DYNC1I1: variants seen among roughly 807,000 people sequenced by gnomAD.
DYNC1I1 encodes the protein dynein cytoplasmic 1 intermediate chain 1.
Under a neutral mutation model 86.6 loss-of-function variants are expected in DYNC1I1, and 43 were observed. The ratio of observed to expected loss-of-function variants is 0.50; its 90% CI spans 0.39 to 0.64. The LOEUF (loss-of-function observed/expected upper bound fraction) is 0.64, where lower values mean the gene tolerates loss of function less well. Ranked by LOEUF, DYNC1I1 falls within the 30% of genes least tolerant of loss-of-function variation. DYNC1I1 has a pLI of 0.00. For missense variants in DYNC1I1, 604 were observed against 788.8 expected (o/e 0.77, Z 2.81); for synonymous variants, 262 against 283.7 (o/e 0.92, Z 0.77).
intron 9 of DYNC1I1, among the ~76,000 whole-genome samples, chr7:95,993,696 C>T (rs2115741620): frequency 6.6e-6 from 1 of 152,288 alleles, no homozygotes; most frequent in South Asian, 2.1e-4. Flanking sequence ...GCACAACCAG[C>T]ACATTGTAAC....
intron 14 of DYNC1I1, among the ~76,000 whole-genome samples, chr7:96,043,123 C>T (rs551500073): frequency 6.8e-6 from 1 of 147,436 alleles, no homozygotes; most frequent in African/African-American, 2.5e-5. Flanking sequence ...GAACCGAGAT[C>T]GTGCCACTGC....
At chr7:95,937,989 T>G (rs1041493505) in intron 6 of DYNC1I1, among the ~76,000 whole-genome samples, 1 of 152,072 alleles carries the variant, frequency 6.6e-6, no homozygotes, top group East Asian at 1.9e-4. Context: ...ATTGTACCCA[T>G]CTCCTCCAGT....
intron 10 of DYNC1I1, among the ~76,000 whole-genome samples, chr7:96,007,994 T>C (rs1794183269): frequency 6.6e-6 from 1 of 152,190 alleles, no homozygotes; most frequent in Admixed American, 6.5e-5. Flanking sequence ...GAGACCCATA[T>C]ACCCTCCAGC....
chr7:95,994,968 C>A lies in DYNC1I1; in HGVS notation c.844-980C>A, dbSNP rs181304150. The stretch of plus-strand genomic sequence containing the variant: ...AGAGAAAGAAGTAAAAATAAATGGG[C>A]CAGGCATGGTGGCTCACGCCTGTAA... On this transcript the variant is annotated intron_variant, in intron 9 of 16. Transcript: ENST00000447467. Among the ~76,000 whole-genome samples, 692 of 152,224 alleles carry A rather than the reference C, an allele frequency of 4.5e-3. 5 individuals are homozygous for A. Among genetic ancestry groups the A allele is most frequent in the African/African-American group, 0.016 (652 of 41,544 alleles).
chr7:95,956,849 G>C (rs1193275704), intron 6 of DYNC1I1, among the ~76,000 whole-genome samples: 4 of 152,200 alleles, frequency 2.6e-5, no homozygotes, highest in African/African-American at 9.7e-5. Context: ...ACACACGTGT[G>C]CATGTGTCTT....
chr7:95,988,023 C>T (rs1048351741), intron 9 of DYNC1I1, among the ~76,000 whole-genome samples: 5 of 152,196 alleles, frequency 3.3e-5, no homozygotes, highest in Admixed American at 3.3e-4. Flanking sequence ...TACCTTCATG[C>T]TTGTCCACAT....
chr7:95,845,227 C>T (rs1441689409), intron 5 of DYNC1I1, among the ~76,000 whole-genome samples: 1 of 152,176 alleles, frequency 6.6e-6, no homozygotes, highest in Non-Finnish European at 1.5e-5. Context: ...GTCTACCAGG[C>T]ACCATTCCAA....
intron 15 of DYNC1I1, among the ~76,000 whole-genome samples, chr7:96,076,585 A>T (rs1490480511): frequency 2.0e-5 from 3 of 152,200 alleles, no homozygotes; most frequent in Non-Finnish European, 4.4e-5. Context: ...TTGGGCTTTT[A>T]AAAAGGGCTA....
intron 6 of DYNC1I1, among the ~76,000 whole-genome samples, chr7:95,892,296 G>A (rs1314100404): frequency 1.3e-5 from 2 of 149,718 alleles, no homozygotes; most frequent in South Asian, 2.1e-4. Context: ...ACTGGCCCAC[G>A]CCACCATGCC....
chr7:96,079,008 G>A lies in DYNC1I1; in HGVS notation c.1651-1355G>A, dbSNP rs1372131433. The stretch of plus-strand genomic sequence containing the variant: ...TATTTTTAAAAAATAAATGAGCCGG[G>A]GACTTTTGGGGTTTTTTTTTGTTTT... On this transcript the variant is annotated intron_variant, in intron 15 of 16. Transcript: ENST00000447467. 3.3e-5 allele frequency among the ~76,000 whole-genome samples: 5 copies of A among 150,224 alleles called. No individual in the cohort carries two copies. The East Asian group carries it at 8.4e-4, about 25-fold the overall frequency.
At chr7:95,985,764 G>T (rs11761820) in intron 8 of DYNC1I1, among the ~76,000 whole-genome samples, 12,259 of 151,980 alleles carry the variant, frequency 0.081, 601 homozygotes, top group Admixed American at 0.11. Context: ...CTTAAAGGAC[G>T]ATATCTTATC....
intron 4 of DYNC1I1, chr7:95,818,387 G>A (rs937128264): frequency 6.1e-6 from 3 of 487,842 alleles, no homozygotes; most frequent in South Asian, 4.2e-5. Flanking sequence ...ATGAAGCCTC[G>A]AATTCCCGGG....
At chr7:95,921,595 C>T (rs563393626) in intron 6 of DYNC1I1, among the ~76,000 whole-genome samples, 3 of 152,212 alleles carry the variant, frequency 2.0e-5, no homozygotes, top group African/African-American at 7.2e-5. Context: ...TTTGAGGAGC[C>T]AGTGGGTTCT....
chr7:95,784,124 G>A (rs1036168319), intron 1 of DYNC1I1, among the ~76,000 whole-genome samples: 1 of 152,080 alleles, frequency 6.6e-6, no homozygotes, highest in African/African-American at 2.4e-5. Context: ...TCGTGGGAGT[G>A]TTTCAGGGTC....
intron 9 of DYNC1I1, among the ~76,000 whole-genome samples, chr7:95,990,437 T>C (rs1395105943): frequency 6.6e-6 from 1 of 152,198 alleles, no homozygotes; most frequent in East Asian, 1.9e-4. Flanking sequence ...AAGATTACTA[T>C]TGACACCAGT....
intron 6 of DYNC1I1, among the ~76,000 whole-genome samples, chr7:95,966,803 C>T (rs1793026100): frequency 6.6e-6 from 1 of 152,182 alleles, no homozygotes; most frequent in Admixed American, 6.5e-5. Context: ...AATATGTGGT[C>T]AGTAAGTACC....
intron 10 of DYNC1I1, among the ~76,000 whole-genome samples, chr7:96,019,720 C>T (rs528704986): frequency 2.6e-5 from 4 of 152,156 alleles, no homozygotes; most frequent in South Asian, 2.1e-4. Flanking sequence ...AGTTAAACCA[C>T]GTAAGAAATG....
At chr7:96,042,084 A>G (rs1174185485) in intron 14 of DYNC1I1, among the ~76,000 whole-genome samples, 1 of 152,162 alleles carries the variant, frequency 6.6e-6, no homozygotes, top group Non-Finnish European at 1.5e-5. Flanking sequence ...GGATTTTTTT[A>G]AACTACCAAA....
rs769188093 is a variant in DYNC1I1, at chr7:96,024,071, A to G, written c.970-4104A>G. ...CAGTTTTTCATCAAGCTTGTTACAT[A>G]TGAGCTCATCGTATTTCTGAGCCCC... On this transcript the variant is annotated intron_variant, in intron 10 of 16. Coordinates refer to ENST00000447467, the MANE Select transcript of DYNC1I1 (RefSeq NM_001135556.2). Among the ~76,000 whole-genome samples, 15 of 152,294 alleles carry G rather than the reference A, an allele frequency of 9.8e-5. 1 individual carries two copies. In the South Asian group the frequency reaches 1.7e-3, roughly 17 times the overall value.
Sources: gnomAD v4.1 joint callset for allele counts (sites outside exome capture counted in the v4.1 genomes callset) on GRCh38, gnomAD v4.1.1 for gene constraint, MANE v1.5 for transcripts, NCBI Gene and HGNC (gene_info 2026-07-23, HGNC 2026-07-21) for gene names.